DDX60L: variants seen among roughly 807,000 people sequenced by gnomAD.
The protein encoded by DDX60L is probable ATP-dependent RNA helicase DDX60-like.
In DDX60L, 191 loss-of-function variants were observed where a neutral mutation model predicts 211.6. That is an observed-to-expected ratio of 0.90 (90% CI 0.80 to 1.02). The LOEUF (loss-of-function observed/expected upper bound fraction) is 1.02. DDX60L is among the 50% of genes least tolerant of loss of function. The pLI, the probability that DDX60L is intolerant of heterozygous loss-of-function variation, is 0.00. For synonymous variants in DDX60L, 706 were observed against 694.1 expected, an observed-to-expected ratio of 1.02 and a Z score of -0.27; for missense variants, 2,007 against 1,984.1, an observed-to-expected ratio of 1.01 and a Z score of -0.22.
At chr4:168,385,585 G>A (rs1386644676) in intron 29 of DDX60L, among the ~76,000 whole-genome samples, 1 of 152,132 alleles carries the variant, frequency 6.6e-6, no homozygotes, top group Non-Finnish European at 1.5e-5. Context: ...CTGAAGAGGA[G>A]GCAGTCTTGG....
chr4:168,384,728 G>A lies in DDX60L; in HGVS notation c.4000C>T (p.Leu1334Phe), dbSNP rs912926558. ...AGCTCAGGAACACTGGATGCAAGGA[G>A]TCTTTTTATTTTGGGCAATGGGATA... ...FDIPLPKIKRLLASSVPELRG... is the reference protein window; with the variant it reads ...FDIPLPKIKRFLASSVPELRG... Residue 1334 changes from leucine to phenylalanine, a missense_variant, in exon 30 of 38, where the codon CTC becomes TTC. Physicochemically the swap from Leu to Phe is conservative, Grantham distance 22 (BLOSUM62 0). Transcript: ENST00000682922. The A allele has an allele frequency of 1.9e-6, 3 of 1,613,700 alleles. No individual in the cohort carries two copies. The highest frequency in any genetic ancestry group is 2.7e-5 in the African/African-American group (2 of 74,890).
intron 36 of DDX60L, among the ~76,000 whole-genome samples, chr4:168,366,488 T>A (rs569522609): frequency 6.6e-6 from 1 of 151,966 alleles, no homozygotes; most frequent in Non-Finnish European, 1.5e-5. Context: ...AAGAGGACAC[T>A]AAGAAATGAA....
rs1225158432 is a variant in DDX60L at position 168,430,623 on chromosome 4, G to A, written c.1532C>T (p.Pro511Leu). 5 of 1,561,370 alleles carry A rather than the reference G, an allele frequency of 3.2e-6. No homozygotes were observed. Among genetic ancestry groups the A allele is most frequent in the South Asian group, 2.4e-5 (2 of 83,512 alleles). The change falls in exon 13 of 38, where the codon CCT (proline) becomes CTT (leucine). Residue 511 changes from proline to leucine, a missense_variant. Pro to Leu is a moderately conservative substitution (Grantham distance 98). Transcript: ENST00000682922. Reference protein sequence around the residue: ...KCHVDEQSRDPHVLDFLKKIQ... With the variant: ...KCHVDEQSRDLHVLDFLKKIQ... ...CTTTTTCAGGAAATCAAGAACATGA[G>A]GATCTCTAGATTGTTCTGAAATAGA...
At chr4:168,386,877 T>A (rs1743983985) in intron 29 of DDX60L, among the ~76,000 whole-genome samples, 1 of 152,230 alleles carries the variant, frequency 6.6e-6, no homozygotes, top group Non-Finnish European at 1.5e-5. Context: ...TAAATGTTCA[T>A]GAGCATAAGA....
chr4:168,371,493 G>A, intron 36 of DDX60L, 119 bp downstream of exon 36: 1 of 350,768 alleles, frequency 2.9e-6, no homozygotes, highest in Non-Finnish European at 4.7e-6. Flanking sequence ...ATAAATTTAT[G>A]TTTATATAAC....
intron 22 of DDX60L, among the ~76,000 whole-genome samples, chr4:168,410,496 A>C (rs1011619007): frequency 4.6e-5 from 7 of 152,192 alleles, no homozygotes; most frequent in African/African-American, 1.7e-4. Context: ...AACATTGAAG[A>C]CTTTTGAGTA....
Position 168,391,658 on chromosome 4 carries a change from A to T in DDX60L, c.3811-14T>A. The T allele has an allele frequency of 6.9e-7, 1 of 1,441,800 alleles. No homozygotes were observed. Among genetic ancestry groups the T allele is most frequent in the Non-Finnish European group, 9.4e-7 (1 of 1,059,398 alleles). The allele number at this position is 1,441,800 out of a possible 1,614,324, so 89.3% of individuals were successfully genotyped here. On this transcript the variant is annotated splice_polypyrimidine_tract_variant and intron_variant, in intron 28 of 37. Transcript: ENST00000682922. ...AGCTGTCACTACCTAGGAAAAAAAA[A>T]AAAAAACAGTCAATACACAATATAG...
In DDX60L at chr4:168,433,079, A is replaced by G. The variant is rs1752582724; in HGVS notation, c.1331T>C (p.Ile444Thr). The G allele has an allele frequency of 6.2e-7, 1 of 1,609,132 alleles. No individual in the cohort carries two copies. Among genetic ancestry groups the G allele is most frequent in the Non-Finnish European group, 8.5e-7 (1 of 1,177,288 alleles). Reference protein sequence around the residue: ...SLEKMPSVGFIPMTSAVIDEF... With the variant: ...SLEKMPSVGFTPMTSAVIDEF... ...ATCAATTACAGCAGATGTCATTGGA[A>G]TAAAGCCCACACTAGGCATCTTTTC... Residue 444 changes from isoleucine (I) to threonine (T), a missense_variant, in exon 11 of 38, where the codon ATT becomes ACT. Ile to Thr is a moderately conservative substitution (Grantham distance 89, BLOSUM62 -1). Coordinates refer to ENST00000682922, the MANE Select transcript of DDX60L (RefSeq NM_001012967.3).
rs766766201 is a variant in DDX60L, at chr4:168,384,720, T to G, written c.4008A>C (p.Ala1336=). 1.2e-6 allele frequency: 2 copies of G among 1,613,890 alleles called. No individual in the cohort carries two copies. Among genetic ancestry groups the G allele is most frequent in the South Asian group, 1.1e-5 (1 of 91,076 alleles). The change falls in exon 30 of 38, where the codon GCA becomes GCC. Residue 1336 remains alanine (A), a synonymous_variant. Coordinates refer to ENST00000682922, the MANE Select transcript of DDX60L (RefSeq NM_001012967.3). ...GTCCTCTCAGCTCAGGAACACTGGATGCAAGGAGTCTTTTTATTTTGGGCA... is the reference window on the plus strand; with the variant it reads ...GTCCTCTCAGCTCAGGAACACTGGAGGCAAGGAGTCTTTTTATTTTGGGCA... ...IPLPKIKRLL[A]SSVPELRGQF...
chr4:168,462,994 A>G (rs1384210750), intron 4 of DDX60L, among the ~76,000 whole-genome samples: 2 of 152,178 alleles, frequency 1.3e-5, no homozygotes, highest in Non-Finnish European at 1.5e-5. Context: ...ACATCAAAAA[A>G]TAACAGATGC....
intron 19 of DDX60L, among the ~76,000 whole-genome samples, chr4:168,419,036 C>T (rs1317686698): frequency 6.6e-6 from 1 of 152,230 alleles, no homozygotes. Context: ...CTCCCTTCAT[C>T]CTTACAGGGT....
intron 6 of DDX60L, among the ~76,000 whole-genome samples, chr4:168,456,503 A>G (rs571450804): frequency 1.3e-5 from 2 of 152,180 alleles, no homozygotes; most frequent in African/African-American, 4.8e-5. Flanking sequence ...TTAAAACAAA[A>G]ATTAGCTTGT....
intron 9 of DDX60L, among the ~76,000 whole-genome samples, chr4:168,447,226 T>G (rs1457022795): frequency 4.6e-5 from 7 of 151,632 alleles, no homozygotes. Context: ...GCAAAGAATA[T>G]GAACAGACAC....
Position 168,472,511 on chromosome 4 carries a change from A to G in DDX60L, c.18T>C (p.His6=). 3.2e-6 allele frequency: 5 copies of G among 1,579,928 alleles called. No homozygotes were observed. Among genetic ancestry groups the G allele is most frequent in the Non-Finnish European group, 4.3e-6 (5 of 1,161,392 alleles). The stretch of plus-strand genomic sequence containing the variant: ...GTGTCATTTCCCTGAAAAATACTGC[A>G]TGATCCTTTGACCCTAAAAATAAGG... MGSKD[H]AVFFREMTQL... The change falls in exon 3 of 38, where the codon CAT becomes CAC. Residue 6 remains histidine, a synonymous_variant. Transcript: ENST00000682922.
intron 6 of DDX60L, among the ~76,000 whole-genome samples, chr4:168,456,706 A>C (rs1039128252): frequency 2.6e-5 from 4 of 152,180 alleles, no homozygotes; most frequent in African/African-American, 9.7e-5. Flanking sequence ...AATTTCTGGG[A>C]ATTTAGCACA....
chr4:168,388,943 A>G (rs1383090440), intron 29 of DDX60L, among the ~76,000 whole-genome samples: 1 of 152,208 alleles, frequency 6.6e-6, no homozygotes, highest in Admixed American at 6.5e-5. Flanking sequence ...GAGCAATCCC[A>G]GGAGTATGCC....
chr4:168,423,529 C>T (rs867305096), intron 15 of DDX60L, 79 bp downstream of exon 15: 2 of 1,035,470 alleles, frequency 1.9e-6, no homozygotes, highest in Non-Finnish European at 2.8e-6. Context: ...ATGTGAGATA[C>T]TTCATTAGAC....
chr4:168,425,773 A>T (rs971169230), intron 14 of DDX60L, among the ~76,000 whole-genome samples: 1 of 152,124 alleles, frequency 6.6e-6, no homozygotes, highest in Non-Finnish European at 1.5e-5. Context: ...TCCCAAAAAA[A>T]AGAAAAAAAA....
intron 13 of DDX60L, among the ~76,000 whole-genome samples, chr4:168,428,279 A>T (rs1180481332): frequency 6.6e-6 from 1 of 152,106 alleles, no homozygotes; most frequent in African/African-American, 2.4e-5. Context: ...ACCCTTAAAT[A>T]GCTCTAGGAG....
Sources: allele counts gnomAD v4.1 joint callset (sites outside exome capture counted in the v4.1 genomes callset), GRCh38; gene constraint gnomAD v4.1.1; transcripts MANE v1.5; gene names NCBI Gene and HGNC (gene_info 2026-07-23, HGNC 2026-07-21).